CRPPA: variants seen among roughly 807,000 people sequenced by gnomAD.
CRPPA encodes D-ribitol-5-phosphate cytidylyltransferase.
CRPPA carries 43 observed loss-of-function variants against 52.0 expected under a neutral mutation model. That is an observed-to-expected ratio of 0.83 (90% CI 0.65 to 1.07). The LOEUF (loss-of-function observed/expected upper bound fraction) is 1.07, where lower values mean the gene tolerates loss of function less well. Ranked by LOEUF, CRPPA falls within the 50% of genes least tolerant of loss-of-function variation. The probability of loss-of-function intolerance (pLI) is 0.00; values close to 1 mark genes in which losing one functional copy is unlikely to be tolerated. For missense variants in CRPPA, 629 were observed against 551.7 expected (o/e 1.14, Z -1.40); for synonymous variants, 250 against 203.5 (o/e 1.23, Z -1.94).
intron 5 of CRPPA, among the ~76,000 whole-genome samples, chr7:16,300,953 T>C (rs1057398266): frequency 6.6e-6 from 1 of 152,140 alleles, no homozygotes; most frequent in African/African-American, 2.4e-5. Flanking sequence ...AAAATTGCAG[T>C]CATTGTCAGA....
chr7:16,349,732 T>A (rs1214370774), intron 3 of CRPPA, among the ~76,000 whole-genome samples: 1 of 151,112 alleles, frequency 6.6e-6, no homozygotes, highest in African/African-American at 2.4e-5. Flanking sequence ...GAAAAGAGAA[T>A]GAGAAAGAGT....
intron 3 of CRPPA, among the ~76,000 whole-genome samples, chr7:16,357,785 C>A (rs111848679): frequency 5.3e-5 from 8 of 152,164 alleles, no homozygotes; most frequent in Non-Finnish European, 7.3e-5. Context: ...CAGAGATACC[C>A]GAAGTCTGAG....
At chr7:16,371,253 G>A (rs1786741540) in intron 3 of CRPPA, among the ~76,000 whole-genome samples, 1 of 152,094 alleles carries the variant, frequency 6.6e-6, no homozygotes, top group South Asian at 2.1e-4. Context: ...CCTGAAGCCT[G>A]AATCAACTCA....
chr7:16,155,751 G>A (rs1783166501), intron 9 of CRPPA, among the ~76,000 whole-genome samples: 1 of 152,114 alleles, frequency 6.6e-6, no homozygotes, highest in Non-Finnish European at 1.5e-5. Context: ...TCAAGTTTTG[G>A]GGGAGTCCAA....
intron 6 of CRPPA, among the ~76,000 whole-genome samples, chr7:16,267,903 C>T (rs1460567326): frequency 6.6e-6 from 1 of 151,906 alleles, no homozygotes; most frequent in Non-Finnish European, 1.5e-5. Context: ...GTATTAGGGA[C>T]TGTATGTAAT....
In CRPPA at chr7:16,258,915, C is replaced by T. The variant is rs762349005; in HGVS notation, c.1026+5G>A. 2 of 1,596,242 alleles carry T rather than the reference C, an allele frequency of 1.3e-6. No individual in the cohort carries two copies. Among genetic ancestry groups the T allele is most frequent in the South Asian group, 1.1e-5 (1 of 89,022 alleles). On this transcript the variant is annotated splice_donor_5th_base_variant and intron_variant, in intron 7 of 9. Coordinates refer to ENST00000407010, the MANE Select transcript of CRPPA (RefSeq NM_001101426.4). ...AAGTGCCTTCAATCATTTGAATTGA[C>T]TTACATTCACACAAACAAAATTGTA...
chr7:16,167,218 G>A (rs563096663), intron 9 of CRPPA, among the ~76,000 whole-genome samples: 12 of 152,202 alleles, frequency 7.9e-5, no homozygotes, highest in East Asian at 3.9e-4. Context: ...GAGCCACCGC[G>A]CCCAGCCTTT....
intron 9 of CRPPA, among the ~76,000 whole-genome samples, chr7:16,183,444 A>G (rs975089618): frequency 3.3e-5 from 5 of 152,140 alleles, no homozygotes; most frequent in African/African-American, 1.2e-4. Context: ...CAGAGATGGA[A>G]AGCCTGAGAA....
At chr7:16,144,844 C>T (rs1782943085) in intron 9 of CRPPA, among the ~76,000 whole-genome samples, 1 of 152,190 alleles carries the variant, frequency 6.6e-6, no homozygotes, top group Non-Finnish European at 1.5e-5. Context: ...GGTCCTCTAG[C>T]TGCGCTGTCA....
chr7:16,254,855 A>C (rs1028105845), intron 8 of CRPPA, among the ~76,000 whole-genome samples: 3 of 150,338 alleles, frequency 2.0e-5, no homozygotes, highest in Non-Finnish European at 4.4e-5. Context: ...GAGAAAGAAG[A>C]AAGAAAGAAA....
At chr7:16,368,113 C>G (rs1786656803) in intron 3 of CRPPA, among the ~76,000 whole-genome samples, 1 of 152,026 alleles carries the variant, frequency 6.6e-6, no homozygotes, top group Non-Finnish European at 1.5e-5. Flanking sequence ...CCAATTTTCA[C>G]AGGAAATGAA....
chr7:16,400,851 A>G (rs1414934268), intron 2 of CRPPA, among the ~76,000 whole-genome samples: 3 of 152,236 alleles, frequency 2.0e-5, no homozygotes, highest in Non-Finnish European at 4.4e-5. Flanking sequence ...CTTTGTAATT[A>G]CAGTTTTAAT....
intron 8 of CRPPA, among the ~76,000 whole-genome samples, chr7:16,243,778 C>A (rs184367288): frequency 2.6e-5 from 4 of 152,076 alleles, no homozygotes; most frequent in African/African-American, 9.7e-5. Context: ...CCAGATTGGG[C>A]AGCACAACAA....
chr7:16,306,590 C>T (rs1383698569), intron 4 of CRPPA, among the ~76,000 whole-genome samples: 2 of 152,230 alleles, frequency 1.3e-5, no homozygotes, highest in Admixed American at 1.3e-4. Flanking sequence ...ATCACAGCTC[C>T]AAAGATGTCA....
chr7:16,269,639 G>A (rs1320151672), intron 6 of CRPPA: 1 of 152,126 alleles, frequency 6.6e-6, no homozygotes. Context: ...AAGTTTTCCA[G>A]TAACAAGATA....
At chr7:16,109,845 C>T (rs551724805) in intron 9 of CRPPA, among the ~76,000 whole-genome samples, 38 of 152,084 alleles carry the variant, frequency 2.5e-4, no homozygotes, top group African/African-American at 9.1e-4. Context: ...TATGCCACAG[C>T]TAACAGTATA....
chr7:16,109,727 T>G (rs1191525547), intron 9 of CRPPA, among the ~76,000 whole-genome samples: 1 of 152,046 alleles, frequency 6.6e-6, no homozygotes, highest in Non-Finnish European at 1.5e-5. Context: ...CTCATCCAGA[T>G]GCAAAAAAAG....
intron 6 of CRPPA, among the ~76,000 whole-genome samples, chr7:16,259,932 C>G (rs1783751150): frequency 6.6e-6 from 1 of 151,912 alleles, no homozygotes; most frequent in Non-Finnish European, 1.5e-5. Flanking sequence ...TTTTCAAGGT[C>G]TTAGCTTTAC....
intron 4 of CRPPA, among the ~76,000 whole-genome samples, chr7:16,305,605 C>T (rs1182493489): frequency 6.6e-6 from 1 of 152,126 alleles, no homozygotes. Context: ...TGGTGGGTCA[C>T]GCCTGTAATC....
Sources: allele counts gnomAD v4.1 joint callset (sites outside exome capture counted in the v4.1 genomes callset), GRCh38; gene constraint gnomAD v4.1.1; transcripts MANE v1.5; gene names NCBI Gene and HGNC (gene_info 2026-07-23, HGNC 2026-07-21).